TRPC5: variants seen among roughly 807,000 people sequenced by gnomAD.
TRPC5 encodes transient receptor potential cation channel subfamily C member 5.
TRPC5 carries 9 observed loss-of-function variants against 56.5 expected under a neutral mutation model. That is an observed-to-expected ratio of 0.16 (90% CI 0.10 to 0.28). TRPC5 has a LOEUF of 0.28. TRPC5 is among the 10% of genes least tolerant of loss of function. The pLI is 1.00. For missense variants in TRPC5, 469 were observed against 748.9 expected, an observed-to-expected ratio of 0.63 and a Z score of 4.36; for synonymous variants, 282 against 278.5, an observed-to-expected ratio of 1.01 and a Z score of -0.13.
At chrX:111,912,970 G>T (rs1024353962) in intron 2 of TRPC5, among the ~76,000 whole-genome samples, 158 bp from the exon 3 acceptor site, 3 of 111,798 alleles carry the variant, frequency 2.7e-5, no homozygotes, top group Non-Finnish European at 1.9e-5. Flanking sequence ...TAATGTTTGT[G>T]GGATGCTTAT....
intron 1 of TRPC5, among the ~76,000 whole-genome samples, chrX:112,077,256 T>A (rs1387670174): frequency 1.8e-5 from 2 of 111,766 alleles, no homozygotes; most frequent in African/African-American, 6.5e-5. Flanking sequence ...TCCTATGATC[T>A]CACTCCCTTT....
intron 3 of TRPC5, among the ~76,000 whole-genome samples, chrX:111,910,716 G>C (rs1925790745): frequency 9.0e-6 from 1 of 111,328 alleles, no homozygotes; most frequent in African/African-American, 3.3e-5. Context: ...ATTTTTAGTA[G>C]AGACTGGGTT....
chrX:111,997,636 A>C (rs898347136), intron 1 of TRPC5, among the ~76,000 whole-genome samples: 3 of 110,661 alleles, frequency 2.7e-5, no homozygotes, highest in Non-Finnish European at 5.7e-5. Context: ...CCAATCAAAC[A>C]TAGATTTGGT....
At chrX:111,958,453 A>C (rs996080558) in intron 1 of TRPC5, among the ~76,000 whole-genome samples, 2 of 112,366 alleles carry the variant, frequency 1.8e-5, no homozygotes, top group African/African-American at 6.5e-5. Flanking sequence ...TTTTATTCCC[A>C]GTACCTGGCA....
intron 3 of TRPC5, among the ~76,000 whole-genome samples, chrX:111,864,031 G>A (rs1923476575): frequency 9.0e-6 from 1 of 111,111 alleles, no homozygotes; most frequent in Non-Finnish European, 1.9e-5. Context: ...CTGTTGCCCA[G>A]GCTGGAGTGC....
chrX:111,777,360 A>G (rs1945887111), intron 10 of TRPC5, among the ~76,000 whole-genome samples: 1 of 111,074 alleles, frequency 9.0e-6, no homozygotes, highest in African/African-American at 3.3e-5. Context: ...GGACTACTGA[A>G]GAGGAAAAAG....
chrX:111,772,735 A>G lies in TRPC5; in HGVS notation c.*3578T>C, dbSNP rs1328987601. On this transcript the variant is annotated 3_prime_UTR_variant, in exon 11 of 11. Transcript: ENST00000262839. ...GAGTGGGCCACCATGCCCAGCCTCA[A>G]TTTTTCTAAGGTACTTTTAAACAAA... is the stretch of plus-strand genomic sequence containing the variant. Among the ~76,000 whole-genome samples, 2 of 111,475 alleles carry G rather than the reference A, an allele frequency of 1.8e-5. No individual in the cohort carries two copies. The highest frequency in any genetic ancestry group is 3.3e-5 in the African/African-American group (1 of 30,689).
intron 1 of TRPC5, among the ~76,000 whole-genome samples, chrX:112,048,420 A>AAAAAG: frequency 9.2e-6 from 1 of 108,274 alleles, no homozygotes; most frequent in African/African-American, 3.4e-5. Flanking sequence ...AAAAAAAAAA[A>AAAAAG]AAAAGGAGGG....
chrX:111,853,315 G>A (rs1416603668), intron 4 of TRPC5, among the ~76,000 whole-genome samples: 2 of 111,660 alleles, frequency 1.8e-5, no homozygotes, highest in African/African-American at 6.5e-5. Flanking sequence ...TTTCCCCCTT[G>A]GTTGTGAAGT....
At position 111,776,343 on chromosome X, in the gene TRPC5, T is replaced by C. The variant is rs1408618063; in HGVS notation, c.2892A>G (p.Gly964=). 5 of 1,188,576 alleles carry C rather than the reference T, an allele frequency of 4.2e-6. No individual in the cohort carries two copies. Among genetic ancestry groups the C allele is most frequent in the Non-Finnish European group, 5.6e-6 (5 of 885,529 alleles). The change falls in exon 11 of 11, where the codon GGA becomes GGG. Residue 964 remains glycine (G), a synonymous_variant. Coordinates refer to ENST00000262839, the MANE Select transcript of TRPC5 (RefSeq NM_012471.3). ...GGCGAGTTGTAACTTGTTCTTCCTG[T>C]CCATCACCCCATTTGTGCATGAGCA... The part of the protein sequence containing the change: ...CDLLMHKWGD[G]QEEQVTTRL
At chrX:111,779,436 T>G (rs1945903357) in intron 9 of TRPC5, among the ~76,000 whole-genome samples, 1 of 111,933 alleles carries the variant, frequency 8.9e-6, no homozygotes, top group Admixed American at 9.5e-5. Flanking sequence ...TTTATAAAAT[T>G]GAGAGTTTTC....
intron 3 of TRPC5, among the ~76,000 whole-genome samples, chrX:111,893,714 T>C (rs759765899): frequency 3.0e-4 from 34 of 112,159 alleles, no homozygotes; most frequent in Non-Finnish European, 6.2e-4. Flanking sequence ...GCTCCTCAGC[T>C]GCACAATTCT....
At chrX:111,929,888 A>G (rs1252019751) in intron 2 of TRPC5, among the ~76,000 whole-genome samples, 1 of 112,129 alleles carries the variant, frequency 8.9e-6, no homozygotes. Context: ...TCATCATATC[A>G]TAAATCATAG....
chrX:111,846,074 G>GT (rs1446239963), intron 6 of TRPC5, among the ~76,000 whole-genome samples: 1 of 110,848 alleles, frequency 9.0e-6, no homozygotes, highest in Non-Finnish European at 1.9e-5. Context: ...GTTTTGTTTT[G>GT]TTTTTTTCTC....
rs1043392366 is a variant in TRPC5, at chrX:111,775,976, A to T, written c.*337T>A. 6.2e-6 allele frequency: 1 copy of T among 160,138 alleles called. No homozygotes were observed. Among genetic ancestry groups the T allele is most frequent in the Non-Finnish European group, 1.2e-5 (1 of 84,533 alleles). The allele number at this position is 160,138 out of a possible 1,213,427, so 13.2% of individuals were successfully genotyped here. On this transcript the variant is annotated 3_prime_UTR_variant, in exon 11 of 11. Coordinates refer to ENST00000262839, the MANE Select transcript of TRPC5 (RefSeq NM_012471.3). ...AATCTGTGCGGCAACAAGACCAGCA[A>T]AGTGGCACCTGGGGCTTCAAGGAAG... is the stretch of plus-strand genomic sequence containing the variant.
intron 3 of TRPC5, among the ~76,000 whole-genome samples, chrX:111,860,522 G>A (rs1294322250): frequency 8.9e-6 from 1 of 112,008 alleles, no homozygotes; most frequent in African/African-American, 3.2e-5. Context: ...ATTTGTTAAA[G>A]TTCCAAAGCT....
chrX:112,040,705 C>T (rs1366559840), intron 1 of TRPC5, among the ~76,000 whole-genome samples: 2 of 111,799 alleles, frequency 1.8e-5, no homozygotes, highest in African/African-American at 6.5e-5. Context: ...CCAATCTCTT[C>T]TACCAACTAC....
intron 3 of TRPC5, among the ~76,000 whole-genome samples, chrX:111,860,991 CTGTT>C (rs1433983089): frequency 3.8e-5 from 4 of 105,537 alleles, no homozygotes; most frequent in Non-Finnish European, 7.5e-5. Flanking sequence ...AGTTGTTTTT[CTGTT>C]TGTTTGTTTT....
rs758108416 is a variant in TRPC5 at position 111,851,093 on chromosome X, C to T, written c.1377+1205G>A. On this transcript the variant is annotated intron_variant, in intron 5 of 10. Transcript: ENST00000262839. ...AAGTTGTAAGTATGTGTTAAATGAT[C>T]ACCACATGTATAGGGCCTACTCTTG... 5.3e-5 allele frequency among the ~76,000 whole-genome samples: 6 copies of T among 112,310 alleles called. No individual in the cohort carries two copies. In the Admixed American group the frequency reaches 5.7e-4, roughly 11 times the overall value.
Sources: allele counts gnomAD v4.1 joint callset (sites outside exome capture counted in the v4.1 genomes callset), GRCh38; gene constraint gnomAD v4.1.1; transcripts MANE v1.5; gene names NCBI Gene and HGNC (gene_info 2026-07-23, HGNC 2026-07-21).